MUC17: variants seen among roughly 807,000 people sequenced by gnomAD.
MUC17 encodes the protein mucin-17.
Under a neutral mutation model 170.3 loss-of-function variants are expected in MUC17, and 190 were observed. That is an observed-to-expected ratio of 1.12 (90% CI 0.99 to 1.26). MUC17 has a LOEUF of 1.26. MUC17 is among the 50% of genes most tolerant of loss of function. The pLI is 0.00. For synonymous variants in MUC17, 2,325 were observed against 2,002.5 expected (o/e 1.16, Z -4.30); for missense variants, 6,415 against 5,530.0 (o/e 1.16, Z -5.08).
intron 11 of MUC17, among the ~76,000 whole-genome samples, chr7:101,054,057 C>CAAAAAAAAAAAAAAA (rs58623975): frequency 2.5e-5 from 1 of 40,354 alleles, no homozygotes; most frequent in Admixed American, 5.2e-4. Flanking sequence ...AAGACCCTGT[C>CAAAAAAAAAAAAAAA]AAAAAAAAAA....
At chr7:101,049,661 G>C (rs1271416830) in intron 6 of MUC17, among the ~76,000 whole-genome samples, 1 of 152,130 alleles carries the variant, frequency 6.6e-6, no homozygotes, top group African/African-American at 2.4e-5. Flanking sequence ...TCTTTCCTCT[G>C]TGCACATCTC....
At chr7:101,026,343 G>A (rs1794178716) in intron 1 of MUC17, among the ~76,000 whole-genome samples, 1 of 152,242 alleles carries the variant, frequency 6.6e-6, no homozygotes, top group African/African-American at 2.4e-5. Context: ...CATAAGGAGG[G>A]CTGGCTATGG....
Position 101,033,477 on chromosome 7 carries a change from C to T in MUC17, c.2061C>T (p.Ser687=). Residue 687 remains serine, a synonymous_variant, in exon 3 of 13, where the codon AGC becomes AGT. Coordinates refer to ENST00000306151, the MANE Select transcript of MUC17 (RefSeq NM_001040105.2). Reference sequence around the variant, plus strand: ...CAACCTCAACTTATACTGAAGGAAGCACTCCATTAACAAGTATGCCTGTCA... The same window carrying T: ...CAACCTCAACTTATACTGAAGGAAGTACTCCATTAACAAGTATGCCTGTCA... The part of the protein sequence containing the change: ...SMPTSTYTEG[S]TPLTSMPVNT... The T allele has an allele frequency of 1.9e-6, 3 of 1,613,260 alleles. No homozygotes were observed. Among genetic ancestry groups the T allele is most frequent in the Non-Finnish European group, 2.5e-6 (3 of 1,179,714 alleles).
rs770143384 is a variant in MUC17, at chr7:101,038,579, C to G, written c.7163C>G (p.Pro2388Arg). 4 of 1,614,112 alleles carry G rather than the reference C, an allele frequency of 2.5e-6. No individual in the cohort carries two copies. The Admixed American group carries it at 6.7e-5, about 27-fold the overall frequency. The change falls in exon 3 of 13, where the codon CCA (proline) becomes CGA (arginine). Residue 2388 changes from proline (P) to arginine (R), a missense_variant. Transcript: ENST00000306151. ...ACAACTGCTGACGATACTAGCATGC[C>G]AACCTCAACTTATAGTGAAGGAAGC... ...SPTTADDTSM[P>R]TSTYSEGSTP...
In MUC17 at chr7:101,043,601, T is replaced by C. The variant is rs1405704629; in HGVS notation, c.12185T>C (p.Ile4062Thr). 6.2e-7 allele frequency: 1 copy of C among 1,613,920 alleles called. No individual in the cohort carries two copies. Among genetic ancestry groups the C allele is most frequent in the Non-Finnish European group, 8.5e-7 (1 of 1,180,006 alleles). ...SRPSTITSHT[I>T]PPTFPPAHSS... ...CCGTCAACAATTACTTCTCACACCA[T>C]CCCACCTACATTTCCTCCTGCTCAC... is the stretch of plus-strand genomic sequence containing the variant. Residue 4062 changes from isoleucine to threonine, a missense_variant, in exon 3 of 13, where the codon ATC (isoleucine) becomes ACC (threonine). Coordinates refer to ENST00000306151, the MANE Select transcript of MUC17 (RefSeq NM_001040105.2).
At position 101,041,786 on chromosome 7, in the gene MUC17, G is replaced by T. The variant is rs145610188; in HGVS notation, c.10370G>T (p.Ser3457Ile). 1.9e-6 allele frequency: 3 copies of T among 1,612,376 alleles called. No individual in the cohort carries two copies. The African/African-American group carries it at 4.0e-5, about 22-fold the overall frequency. ...CCAACCTCAACTACTAGTGAAGGAA[G>T]CACTCCATTATCAATTATGCCTCTC... ...SLPTSTTSEG[S>I]TPLSIMPLST... Residue 3457 changes from serine to isoleucine, a missense_variant, in exon 3 of 13, where the codon AGC (serine) becomes ATC (isoleucine). Ser to Ile is a moderately radical substitution (Grantham distance 142). Transcript: ENST00000306151.
At chr7:101,049,168 G>C (rs943403251) in intron 5 of MUC17, among the ~76,000 whole-genome samples, 156 bp from the exon 6 acceptor site, 3 of 152,178 alleles carry the variant, frequency 2.0e-5, no homozygotes, top group Admixed American at 6.5e-5. Context: ...GGAGGCCCCT[G>C]GGGTGGAGCA....
At chr7:101,048,779 G>C in intron 4 of MUC17, 66 bp from the exon 5 acceptor site, 1 of 1,592,136 alleles carries the variant, frequency 6.3e-7, no homozygotes, top group Non-Finnish European at 8.6e-7. Context: ...CTCCACCCAG[G>C]CTGGGGGCAG....
At chr7:101,048,710 G>A (rs1387361386) in intron 4 of MUC17, 135 bp from the exon 5 acceptor site, 12 of 801,826 alleles carry the variant, frequency 1.5e-5, no homozygotes, top group South Asian at 4.0e-5. Flanking sequence ...ACAAGAAGGT[G>A]TATTTTGGAT....
Position 101,036,969 on chromosome 7 carries a change from T to A in MUC17, c.5553T>A (p.Pro1851=), listed in dbSNP as rs763270594. The A allele has an allele frequency of 1.5e-5, 24 of 1,584,158 alleles. No homozygotes were observed. The highest frequency in any genetic ancestry group is 8.5e-7 in the Non-Finnish European group (1 of 1,179,064). The change falls in exon 3 of 13, where the codon CCT becomes CCA. Residue 1851 remains proline, a synonymous_variant. Coordinates refer to ENST00000306151, the MANE Select transcript of MUC17 (RefSeq NM_001040105.2). ...CAGCAGTCAGTTCATCTCCTACACC[T>A]GCTGAAGGTACCAGCATAGCAACCT... ...TSTAVSSSPT[P]AEGTSIATST...
Position 101,048,150 on chromosome 7 carries a change from C to T in MUC17, c.12535+35C>T, listed in dbSNP as rs59742420. 7.3e-6 allele frequency: 11 copies of T among 1,517,056 alleles called. No individual in the cohort carries two copies. In the South Asian group the frequency reaches 1.4e-4, roughly 20 times the overall value. The allele number at this position is 1,517,056 out of a possible 1,614,324, so 94.0% of individuals were successfully genotyped here. On this transcript the variant is annotated intron_variant, in intron 4 of 12. Coordinates refer to ENST00000306151, the MANE Select transcript of MUC17 (RefSeq NM_001040105.2). Reference sequence around the variant, plus strand: ...ACCCCAGGCCTTCCCCCACCCCATGCCCTGGGACCCGACCTCCATACAAGC... The same window carrying T: ...ACCCCAGGCCTTCCCCCACCCCATGTCCTGGGACCCGACCTCCATACAAGC...
rs1795077655 is a variant in MUC17 at position 101,057,995 on chromosome 7, CTT to C, written c.13441-5_13441-4del. ...TGAGCCCTCACTTGGTTTTATCTCT[CTT>C]TTCAGATCCGAATTCAGAGGCCTCA... On this transcript the variant is annotated splice_polypyrimidine_tract_variant and splice_region_variant and intron_variant, in intron 12 of 12. Coordinates refer to ENST00000306151, the MANE Select transcript of MUC17 (RefSeq NM_001040105.2). 2 of 1,613,700 alleles carry C rather than the reference CTT, an allele frequency of 1.2e-6. No individual in the cohort carries two copies. Among genetic ancestry groups the C allele is most frequent in the Admixed American group, 1.7e-5 (1 of 59,988 alleles).
chr7:101,033,029 C>A lies in MUC17; in HGVS notation c.1613C>A (p.Thr538Asn), dbSNP rs1297056376. 3 of 1,613,914 alleles carry A rather than the reference C, an allele frequency of 1.9e-6. No individual in the cohort carries two copies. Among genetic ancestry groups the A allele is most frequent in the East Asian group, 2.2e-5 (1 of 44,868 alleles). ...ACCCTTTCAACAACTCCTGTTGACA[C>A]CAGCACACCTGTGACCACTTCTAGT... ...ASTLSTTPVDTSTPVTTSSEA... is the reference protein window; with the variant it reads ...ASTLSTTPVDNSTPVTTSSEA... Residue 538 changes from threonine to asparagine, a missense_variant, in exon 3 of 13, where the codon ACC becomes AAC. Transcript: ENST00000306151.
intron 1 of MUC17, among the ~76,000 whole-genome samples, chr7:101,021,774 G>C (rs1480640870): frequency 6.6e-6 from 1 of 152,130 alleles, no homozygotes; most frequent in East Asian, 1.9e-4. Context: ...GGCAGCCTCT[G>C]ACCCTTTCCA....
chr7:101,040,434 C>A lies in MUC17; in HGVS notation c.9018C>A (p.Thr3006=), dbSNP rs766585582. The part of the protein sequence containing the change: ...TMPVASSEAS[T]LSRTPADTST... ...CGGTGGCCAGTTCTGAGGCTAGCAC[C>A]CTTTCAAGAACTCCTGCTGACACCA... Residue 3006 remains threonine (T), a synonymous_variant, in exon 3 of 13, where the codon ACC becomes ACA. Coordinates refer to ENST00000306151, the MANE Select transcript of MUC17 (RefSeq NM_001040105.2). 1 of 1,611,668 alleles carries A rather than the reference C, an allele frequency of 6.2e-7. No individual in the cohort carries two copies. Among genetic ancestry groups the A allele is most frequent in the Non-Finnish European group, 8.5e-7 (1 of 1,178,988 alleles).
rs747738703 is a variant in MUC17 at position 101,033,641 on chromosome 7, C to T, written c.2225C>T (p.Pro742Leu). 3 of 1,611,512 alleles carry T rather than the reference C, an allele frequency of 1.9e-6. No homozygotes were observed. The Admixed American group carries it at 5.0e-5, about 27-fold the overall frequency. ...GGTGCCAGTATGCCAACCTCAACTC[C>T]TAGTGAAGGAAGCACTCCATTAACA... ...ADGASMPTST[P>L]SEGSTPLTSM... Residue 742 changes from proline (P) to leucine (L), a missense_variant, in exon 3 of 13, where the codon CCT becomes CTT. Transcript: ENST00000306151.
intron 1 of MUC17, among the ~76,000 whole-genome samples, chr7:101,020,704 C>T (rs560235032): frequency 3.3e-5 from 5 of 152,234 alleles, no homozygotes; most frequent in South Asian, 2.1e-4. Flanking sequence ...CACAAAATGG[C>T]GTTTCAGGAG....
At chr7:101,050,190 A>G (rs1794912295) in intron 6 of MUC17, among the ~76,000 whole-genome samples, 1 of 152,148 alleles carries the variant, frequency 6.6e-6, no homozygotes, top group Non-Finnish European at 1.5e-5. Flanking sequence ...TCCTCCATCC[A>G]TCTTCATCGC....
chr7:101,058,132 A>G lies in MUC17; in HGVS notation c.*88A>G. The G allele has an allele frequency of 1.7e-6, 2 of 1,192,292 alleles. No homozygotes were observed. The highest frequency in any genetic ancestry group is 1.7e-5 in the Admixed American group (1 of 57,702). 73.9% of individuals were successfully genotyped at this position (1,192,292 alleles called of 1,614,324 possible). ...TTTCCCATTGAGAGCCTTCCATGGGAACTCAATGTTCCCATTGTAAGTACA... is the reference window on the plus strand; with the variant it reads ...TTTCCCATTGAGAGCCTTCCATGGGGACTCAATGTTCCCATTGTAAGTACA... On this transcript the variant is annotated 3_prime_UTR_variant, in exon 13 of 13. Coordinates refer to ENST00000306151, the MANE Select transcript of MUC17 (RefSeq NM_001040105.2).
Sources: allele counts gnomAD v4.1 joint callset (sites outside exome capture counted in the v4.1 genomes callset), GRCh38; gene constraint gnomAD v4.1.1; transcripts MANE v1.5; gene names NCBI Gene and HGNC (gene_info 2026-07-23, HGNC 2026-07-21).